The following LRRTM3 variants were observed in gnomAD, a reference collection of about 807,000 sequenced individuals.
LRRTM3 encodes leucine-rich repeat transmembrane neuronal protein 3.
A neutral mutation model predicts 44.7 loss-of-function variants in LRRTM3; 24 were observed. The observed-to-expected ratio is 0.54, with a 90% confidence interval of 0.39 to 0.76. The LOEUF (loss-of-function observed/expected upper bound fraction) is 0.76, where lower values mean the gene tolerates loss of function less well. Among genes scored for constraint, LRRTM3 ranks in the 30% least tolerant of loss-of-function variants. The pLI is 0.00. For synonymous variants in LRRTM3, 277 were observed against 278.7 expected (o/e 0.99, Z 0.06); for missense variants, 587 against 702.2 (o/e 0.84, Z 1.85).
intron 2 of LRRTM3, among the ~76,000 whole-genome samples, chr10:67,085,774 T>A (rs1235387689): frequency 6.6e-6 from 1 of 152,060 alleles, no homozygotes; most frequent in Non-Finnish European, 1.5e-5. Flanking sequence ...ATTTTCAAAC[T>A]TTTACTAATA....
chr10:66,976,176 T>C (rs1850018669), intron 2 of LRRTM3, among the ~76,000 whole-genome samples: 1 of 152,162 alleles, frequency 6.6e-6, no homozygotes. Flanking sequence ...TTAAAAATAA[T>C]TTAAAGTAAC....
At chr10:67,045,948 CT>C (rs948959094) in intron 2 of LRRTM3, among the ~76,000 whole-genome samples, 1 of 152,130 alleles carries the variant, frequency 6.6e-6, no homozygotes, top group African/African-American at 2.4e-5. Flanking sequence ...GGTCAGATTT[CT>C]TTTTTTCTCT....
intron 2 of LRRTM3, among the ~76,000 whole-genome samples, chr10:67,093,248 C>G (rs1018884144): frequency 1.1e-4 from 16 of 151,874 alleles, no homozygotes; most frequent in African/African-American, 3.4e-4. Context: ...TTCCCTGAGC[C>G]TATTCCAACT....
chr10:67,045,738 C>T (rs561133064), intron 2 of LRRTM3, among the ~76,000 whole-genome samples: 1 of 152,110 alleles, frequency 6.6e-6, no homozygotes, highest in Non-Finnish European at 1.5e-5. Flanking sequence ...GCCAAGGCCC[C>T]CCTCTGTTTT....
rs144275622 is a variant in LRRTM3 at position 67,066,286 on chromosome 10, G to A, written c.1537-31301G>A. ...CAGCTCACTGCAACCTCCGCCTCCC[G>A]GGTTCAAGAGATTCTCCTGCCTCAG... On this transcript the variant is annotated intron_variant, in intron 2 of 2. Coordinates refer to ENST00000361320, the MANE Select transcript of LRRTM3 (RefSeq NM_178011.5). Among the ~76,000 whole-genome samples, 705 of 144,542 alleles carry A rather than the reference G, an allele frequency of 4.9e-3. 5 individuals are homozygous for A. Among genetic ancestry groups the A allele is most frequent in the African/African-American group, 0.016 (617 of 38,194 alleles). 94.8% of individuals were successfully genotyped at this position (144,542 alleles called of 152,430 possible). A position where few individuals can be genotyped will look rare whatever the true frequency, so the allele number is the denominator to read the frequency against.
At chr10:66,994,210 C>T (rs547830815) in intron 2 of LRRTM3, among the ~76,000 whole-genome samples, 1 of 152,186 alleles carries the variant, frequency 6.6e-6, no homozygotes, top group Non-Finnish European at 1.5e-5. Context: ...TACCCAGGTA[C>T]TCCAGTGGTT....
Position 67,022,867 on chromosome 10 carries a change from G to A in LRRTM3, c.1537-74720G>A, listed in dbSNP as rs139696065. On this transcript the variant is annotated intron_variant, in intron 2 of 2. Coordinates refer to ENST00000361320, the MANE Select transcript of LRRTM3 (RefSeq NM_178011.5). ...GCAGGAGAATAGCTTGAACCCGGGT[G>A]GCGGAGGTTGCAGTGAGCCGAGATC... Among the ~76,000 whole-genome samples, 1,168 of 152,264 alleles carry A rather than the reference G, an allele frequency of 7.7e-3. 39 individuals are homozygous for A. The East Asian group carries it at 0.11, about 14-fold the overall frequency.
intron 2 of LRRTM3, among the ~76,000 whole-genome samples, chr10:67,048,013 T>A (rs1854857344): frequency 6.6e-6 from 1 of 152,168 alleles, no homozygotes. Context: ...GTACCATGTG[T>A]TCTTTCTAAG....
chr10:67,013,301 T>C (rs1852454916), intron 2 of LRRTM3, among the ~76,000 whole-genome samples: 1 of 152,236 alleles, frequency 6.6e-6, no homozygotes. Flanking sequence ...GTTGTATATC[T>C]ATAATGTTTG....
At chr10:66,940,233 C>T (rs917267037) in intron 2 of LRRTM3, among the ~76,000 whole-genome samples, 1 of 152,078 alleles carries the variant, frequency 6.6e-6, no homozygotes, top group African/African-American at 2.4e-5. Context: ...TGGTAGGTGG[C>T]TCATGCCTAT....
At chr10:67,003,569 A>C (rs1302384627) in intron 2 of LRRTM3, among the ~76,000 whole-genome samples, 1 of 152,204 alleles carries the variant, frequency 6.6e-6, no homozygotes, top group Non-Finnish European at 1.5e-5. Context: ...TCCTGAAGTA[A>C]AGAAATATTT....
intron 2 of LRRTM3, among the ~76,000 whole-genome samples, chr10:67,091,196 A>G (rs1332703254): frequency 6.6e-6 from 1 of 152,094 alleles, no homozygotes; most frequent in African/African-American, 2.4e-5. Flanking sequence ...ACCCAAAGCT[A>G]GTTATGAAAA....
chr10:66,940,147 T>C (rs1229192539), intron 2 of LRRTM3, among the ~76,000 whole-genome samples: 3 of 152,130 alleles, frequency 2.0e-5, no homozygotes, highest in Non-Finnish European at 2.9e-5. Context: ...AGCGCATAGT[T>C]TGAAAAGATG....
Position 66,970,023 on chromosome 10 carries a change from T to C in LRRTM3, c.1536+41571T>C, listed in dbSNP as rs77915463. On this transcript the variant is annotated intron_variant, in intron 2 of 2. Coordinates refer to ENST00000361320, the MANE Select transcript of LRRTM3 (RefSeq NM_178011.5). ...AAAGTACTATAAGGCTAGAATTGAC[T>C]TGGAGTCAAGGCGAGTTCCATAGGT... Among the ~76,000 whole-genome samples, 851 of 152,240 alleles carry C rather than the reference T, an allele frequency of 5.6e-3. 12 individuals carry two copies. Among genetic ancestry groups the C allele is most frequent in the African/African-American group, 0.019 (806 of 41,526 alleles).
chr10:66,929,428 T>C (rs902916892), intron 2 of LRRTM3, among the ~76,000 whole-genome samples: 4 of 152,158 alleles, frequency 2.6e-5, no homozygotes, highest in African/African-American at 9.7e-5. Context: ...CTCTGTCCTG[T>C]TCTGTTCAGA....
chr10:66,994,674 A>G (rs546420489), intron 2 of LRRTM3, among the ~76,000 whole-genome samples: 6 of 152,328 alleles, frequency 3.9e-5, no homozygotes, highest in Non-Finnish European at 7.4e-5. Context: ...ACCACCAAAC[A>G]GAATTTTCAA....
chr10:67,008,852 T>A (rs73326916), intron 2 of LRRTM3, among the ~76,000 whole-genome samples: 2,474 of 152,304 alleles, frequency 0.016, 86 homozygotes, highest in African/African-American at 0.056. Flanking sequence ...TTTTCAGTGT[T>A]TTCTTGTTTT....
intron 2 of LRRTM3, among the ~76,000 whole-genome samples, chr10:66,967,460 T>A (rs1174737323): frequency 1.3e-5 from 2 of 151,848 alleles, no homozygotes; most frequent in Non-Finnish European, 2.9e-5. Context: ...AATTAATTAA[T>A]CAATAATGGT....
intron 2 of LRRTM3, among the ~76,000 whole-genome samples, chr10:67,045,160 A>G (rs1191300832): frequency 6.6e-6 from 1 of 152,240 alleles, no homozygotes; most frequent in East Asian, 1.9e-4. Flanking sequence ...GCATACAACA[A>G]AATACAAAAT....
Sources: gnomAD v4.1 joint callset for allele counts (sites outside exome capture counted in the v4.1 genomes callset) on GRCh38, gnomAD v4.1.1 for gene constraint, MANE v1.5 for transcripts, NCBI Gene and HGNC (gene_info 2026-07-23, HGNC 2026-07-21) for gene names.